The following PTPDC1 variants were observed in gnomAD, a reference collection of about 807,000 sequenced individuals.
The protein encoded by PTPDC1 is protein tyrosine phosphatase domain-containing protein 1.
A neutral mutation model predicts 75.3 loss-of-function variants in PTPDC1; 53 were observed. The observed-to-expected ratio is 0.70, with a 90% CI of 0.56 to 0.88. PTPDC1 has a LOEUF of 0.88. Among genes scored for constraint, PTPDC1 ranks in the 40% least tolerant of loss-of-function variants. The pLI is 0.00. For synonymous variants in PTPDC1, 349 were observed against 366.2 expected, an observed-to-expected ratio of 0.95 and a Z score of 0.54; for missense variants, 925 against 998.6, an observed-to-expected ratio of 0.93 and a Z score of 0.99.
chr9:94,049,312 T>C (rs893251849), intron 1 of PTPDC1, among the ~76,000 whole-genome samples: 5 of 152,218 alleles, frequency 3.3e-5, no homozygotes, highest in Non-Finnish European at 7.3e-5. Context: ...CTAGCCTTGA[T>C]GGTCTTTACA....
Position 94,087,906 on chromosome 9 carries a change from C to T in PTPDC1, c.492C>T (p.Phe164=). The change falls in exon 3 of 9, where the codon TTC becomes TTT. Residue 164 remains phenylalanine (F), a synonymous_variant. Transcript: ENST00000620992. ...LLEKYHIIDQ[F]LSHGIKTIIN... is the part of the protein sequence containing the mutation. ...AGAAGTACCACATCATTGATCAGTT[C>T]CTCAGGTAAATGCTGTATTGTTCAC... The T allele has an allele frequency of 6.2e-7, 1 of 1,612,356 alleles. No homozygotes were observed. The highest frequency in any genetic ancestry group is 8.5e-7 in the Non-Finnish European group (1 of 1,178,426).
chr9:94,109,680 T>TA lies in PTPDC1; in HGVS notation c.*1737dup. 6.6e-6 allele frequency: 1 copy of TA among 152,358 alleles called. No individual in the cohort carries two copies. The highest frequency in any genetic ancestry group is 2.1e-4 in the South Asian group (1 of 4,820). 9.4% of individuals were successfully genotyped at this position (152,358 alleles called of 1,614,324 possible). ...CCCACAGGTCTTTTGGCGAGTTTGC[T>TA]ATTTGCCTGTTGAAATACTTGTTTC... On this transcript the variant is annotated 3_prime_UTR_variant, in exon 9 of 9. Transcript: ENST00000620992.
At chr9:94,080,484 T>G (rs1826841232), upstream of PTPDC1, among the ~76,000 whole-genome samples, 1 of 152,192 alleles carries the variant, frequency 6.6e-6, no homozygotes, top group Admixed American at 6.5e-5. Context: ...CCATATTCTT[T>G]AGCACTGTCC....
chr9:94,072,782 A>G (rs1476411851), intron 2 of PTPDC1, among the ~76,000 whole-genome samples: 12 of 152,134 alleles, frequency 7.9e-5, no homozygotes, highest in Non-Finnish European at 1.8e-4. Flanking sequence ...TGATATGATC[A>G]TATGATTTTT....
intron 1 of PTPDC1, among the ~76,000 whole-genome samples, chr9:94,043,254 A>T (rs986802642): frequency 5.3e-5 from 8 of 152,224 alleles, no homozygotes; most frequent in Admixed American, 2.0e-4. Flanking sequence ...TAGTTTTTTT[A>T]AAAAATCCAT....
rs1166147787 is a variant in PTPDC1 at position 94,036,033 on chromosome 9, T to G, written c.-7+4906T>G. On this transcript the variant is annotated intron_variant, in intron 1 of 9. Transcript: ENST00000375360. ...TTAATCGGATTATTTGTTTTTTTTTTTGTTTTTTTTTTGCTACTGAGTTGT... is the reference window on the plus strand; with the variant it reads ...TTAATCGGATTATTTGTTTTTTTTTGTGTTTTTTTTTTGCTACTGAGTTGT... 4.2e-5 allele frequency among the ~76,000 whole-genome samples: 6 copies of G among 143,442 alleles called. No homozygotes were observed. In the East Asian group the frequency reaches 8.1e-4, roughly 19 times the overall value. The allele number at this position is 143,442 out of a possible 152,430, so 94.1% of individuals were successfully genotyped here. A position where few individuals can be genotyped will look rare whatever the true frequency, so the allele number is the denominator to read the frequency against.
At chr9:94,053,720 A>G (rs1825852124) in intron 1 of PTPDC1, among the ~76,000 whole-genome samples, 1 of 152,238 alleles carries the variant, frequency 6.6e-6, no homozygotes, top group African/African-American at 2.4e-5. Context: ...TGAGAAGAAA[A>G]CAAATCCAAC....
chr9:94,074,584 C>T (rs1252103862), intron 2 of PTPDC1, among the ~76,000 whole-genome samples: 1 of 152,128 alleles, frequency 6.6e-6, no homozygotes, highest in Non-Finnish European at 1.5e-5. Flanking sequence ...CCTCTTTCCT[C>T]CTCATACAGG....
chr9:94,091,761 T>G (rs1335499872), intron 4 of PTPDC1, among the ~76,000 whole-genome samples: 1 of 152,150 alleles, frequency 6.6e-6, no homozygotes, highest in Non-Finnish European at 1.5e-5. Context: ...CAATTTCAGC[T>G]CCTGTTATTG....
At chr9:94,077,243 G>A (rs1370733890) in intron 2 of PTPDC1, among the ~76,000 whole-genome samples, 1 of 152,196 alleles carries the variant, frequency 6.6e-6, no homozygotes, top group Non-Finnish European at 1.5e-5. Flanking sequence ...GACACCAGAT[G>A]TGCGGGGTTT....
At chr9:94,046,611 T>C (rs533515752) in intron 1 of PTPDC1, among the ~76,000 whole-genome samples, 21 of 152,348 alleles carry the variant, frequency 1.4e-4, no homozygotes, top group African/African-American at 5.1e-4. Context: ...GAAGCAGTTG[T>C]GAATGGGAGT....
At chr9:94,074,459 C>T (rs913461077) in intron 2 of PTPDC1, among the ~76,000 whole-genome samples, 2 of 152,134 alleles carry the variant, frequency 1.3e-5, no homozygotes, top group Non-Finnish European at 2.9e-5. Context: ...TAGAGGGCAA[C>T]TCACACTGCT....
At position 94,085,237 on chromosome 9, in the gene PTPDC1, C is replaced by T. The variant is rs200573453; in HGVS notation, c.245-14C>T. ...GAGTGGAATTTTGAATTTTCCTTTC[C>T]TTATATGTTCTAGGAAATTTAGAAC... is the stretch of plus-strand genomic sequence containing the variant. On this transcript the variant is annotated splice_polypyrimidine_tract_variant and intron_variant, in intron 1 of 8. Transcript: ENST00000620992. The T allele has an allele frequency of 3.2e-5, 52 of 1,605,422 alleles. No individual in the cohort carries two copies. Among genetic ancestry groups the T allele is most frequent in the Non-Finnish European group, 4.3e-5 (51 of 1,174,536 alleles).
exon 1 of PTPDC1, chr9:94,030,874 C>T (rs1168327683): frequency 2.0e-5 from 3 of 152,186 alleles, no homozygotes. Context: ...AGGCGCTCGC[C>T]CCAGGACGTT....
At chr9:94,055,469 A>T (rs1825903843) in intron 1 of PTPDC1, among the ~76,000 whole-genome samples, 2 of 152,222 alleles carry the variant, frequency 1.3e-5, no homozygotes, top group African/African-American at 4.8e-5. Flanking sequence ...AGGTGAGTGG[A>T]TAAATAAACT....
intron 1 of PTPDC1, among the ~76,000 whole-genome samples, chr9:94,053,468 A>G (rs1281051511): frequency 6.6e-6 from 1 of 152,218 alleles, no homozygotes; most frequent in Non-Finnish European, 1.5e-5. Flanking sequence ...TACATAAGGT[A>G]TCATAAGCAG....
At chr9:94,094,059 C>G (rs971161679) in intron 4 of PTPDC1, among the ~76,000 whole-genome samples, 5 of 152,204 alleles carry the variant, frequency 3.3e-5, no homozygotes, top group African/African-American at 1.2e-4. Flanking sequence ...GTAATTTGAT[C>G]ATCTGAAGTC....
chr9:94,106,630 C>G (rs762793718), intron 8 of PTPDC1, among the ~76,000 whole-genome samples: 1 of 152,204 alleles, frequency 6.6e-6, no homozygotes, highest in African/African-American at 2.4e-5. Flanking sequence ...ATAACACTGG[C>G]AAGCTAACAG....
intron 1 of PTPDC1, among the ~76,000 whole-genome samples, chr9:94,058,990 CACAA>C (rs1826044186): frequency 6.6e-6 from 1 of 152,268 alleles, no homozygotes; most frequent in Middle Eastern, 3.4e-3. Flanking sequence ...GACTCTGTCT[CACAA>C]ACAAACAAAA....
Sources: gnomAD v4.1 joint callset for allele counts (sites outside exome capture counted in the v4.1 genomes callset) on GRCh38, gnomAD v4.1.1 for gene constraint, MANE v1.5 for transcripts, NCBI Gene and HGNC (gene_info 2026-07-23, HGNC 2026-07-21) for gene names.